Variants in EXOC3 observed in about 807,000 individuals in gnomAD.
EXOC3 encodes the protein SEC6-like 1.
EXOC3 carries 21 observed loss-of-function variants against 73.7 expected under a neutral mutation model. That is an observed-to-expected ratio of 0.29 (90% CI 0.20 to 0.41). The LOEUF is 0.41. EXOC3 is among the 10% of genes least tolerant of loss of function. The pLI is 1.00. For missense variants in EXOC3, 842 were observed against 985.1 expected, an observed-to-expected ratio of 0.85 and a Z score of 1.95; for synonymous variants, 410 against 389.1, an observed-to-expected ratio of 1.05 and a Z score of -0.63.
intron 1 of EXOC3, chr5:444,781 T>C (rs1448122289): frequency 6.6e-6 from 1 of 151,722 alleles, no homozygotes; most frequent in Non-Finnish European, 1.5e-5. Context: ...TACCCCTGAG[T>C]GGTGGGATTT....
chr5:449,612 G>A (rs1326680637), intron 3 of EXOC3, among the ~76,000 whole-genome samples: 1 of 152,118 alleles, frequency 6.6e-6, no homozygotes, highest in Non-Finnish European at 1.5e-5. Context: ...TCTATGCTGT[G>A]GTATTGTAGA....
At chr5:450,375 A>G (rs752468416) in intron 3 of EXOC3, among the ~76,000 whole-genome samples, 3 of 152,172 alleles carry the variant, frequency 2.0e-5, no homozygotes, top group Admixed American at 6.5e-5. Context: ...ACTGATTTCT[A>G]ATGTCATCTG....
intron 1 of EXOC3, among the ~76,000 whole-genome samples, chr5:444,539 A>G (rs777525613): frequency 1.8e-4 from 28 of 152,260 alleles, no homozygotes; most frequent in Non-Finnish European, 2.9e-4. Flanking sequence ...TTTAATGTCA[A>G]TGGAAATGCT....
At chr5:444,114 G>A (rs1370220996) in intron 1 of EXOC3, among the ~76,000 whole-genome samples, 1 of 152,254 alleles carries the variant, frequency 6.6e-6, no homozygotes, top group African/African-American at 2.4e-5. Flanking sequence ...GATGTTCCCC[G>A]CAGTAGGGTG....
Position 466,859 on chromosome 5 carries a change from T to G in EXOC3, c.2199T>G (p.Ile733Met), listed in dbSNP as rs1274462086. The G allele has an allele frequency of 1.9e-6, 3 of 1,612,230 alleles. No homozygotes were observed. In the Admixed American group the frequency reaches 5.0e-5, roughly 27 times the overall value. ...SPSYVPLFKD[I>M]VVPSLNVAKL... ...GCTACGTGCCCCTCTTCAAGGACAT[T>G]GTGGTGCCCAGCCTGAACGTGGCCA... Residue 733 changes from isoleucine to methionine, a missense_variant, in exon 13 of 13, where the codon ATT (isoleucine) becomes ATG (methionine). Physicochemically the swap from Ile to Met is conservative, Grantham distance 10 (BLOSUM62 1). Coordinates refer to ENST00000512944, the MANE Select transcript of EXOC3 (RefSeq NM_007277.5).
Position 456,903 on chromosome 5 carries a change from G to A in EXOC3, c.1061G>A (p.Arg354Lys), listed in dbSNP as rs377628378. The change falls in exon 5 of 13, where the codon AGG (arginine) becomes AAG (lysine). Residue 354 changes from arginine to lysine, a missense_variant. By Grantham distance (26) the Arg-to-Lys change is conservative (BLOSUM62 2). Transcript: ENST00000512944. Reference protein sequence around the residue: ...LNTYTSTEMMRNVELAPEVDV... With the variant: ...LNTYTSTEMMKNVELAPEVDV... ...TTCCCCCATAGTACTGAGATGATGA[G>A]GAACGTGGAGCTGGCCCCGGAAGTG... 3.5e-4 allele frequency: 557 copies of A among 1,613,808 alleles called. 1 individual carries two copies. Among genetic ancestry groups the A allele is most frequent in the Middle Eastern group, 5.0e-4 (3 of 6,060 alleles).
chr5:464,233 C>T, intron 9 of EXOC3, 57 bp from the exon 10 acceptor site: 10 of 1,577,630 alleles, frequency 6.3e-6, no homozygotes, highest in Non-Finnish European at 8.6e-6. Context: ...CCCACATGCA[C>T]TCGGCTCTCG....
At position 447,563 on chromosome 5, in the gene EXOC3, C is replaced by T. The variant is rs972311422; in HGVS notation, c.175C>T (p.Arg59Cys). Residue 59 changes from arginine (R) to cysteine (C), a missense_variant, in exon 3 of 13, where the codon CGC (arginine) becomes TGC (cysteine). Physicochemically the swap from Arg to Cys is radical, Grantham distance 180. Transcript: ENST00000512944. ...CATCCAGTCACAGTTGGACGGGGTG[C>T]GCACAGGCCTCAGCCAGCTCCACAA... is the stretch of plus-strand genomic sequence containing the variant. ...AAIQSQLDGV[R>C]TGLSQLHNAL... 11 of 1,585,388 alleles carry T rather than the reference C, an allele frequency of 6.9e-6. No individual in the cohort carries two copies. The highest frequency in any genetic ancestry group is 2.7e-5 in the African/African-American group (2 of 74,104).
At chr5:466,562 A>G in intron 12 of EXOC3, 165 bp from the exon 13 acceptor site, 1 of 602,708 alleles carries the variant, frequency 1.7e-6, no homozygotes. Context: ...AGTAAGATGA[A>G]AATGCAGGCT....
In EXOC3 at chr5:443,223, C is replaced by CGGAGGGGGCGGCGGG. The variant is rs1737382235; in HGVS notation, c.-122_-121insAGGGGGCGGCGGGGG. On this transcript the variant is annotated 5_prime_UTR_variant, in exon 1 of 13. Transcript: ENST00000512944. ...GCGGAGGCAGCGAAGGCGGAGGGGG[C>CGGAGGGGGCGGCGGG]GGCGGGGGCGGCGGCGGCGGCGGCG... 7.9e-5 allele frequency: 7 copies of CGGAGGGGGCGGCGGG among 88,164 alleles called. No individual in the cohort carries two copies. In the Admixed American group the frequency reaches 8.4e-4, roughly 11 times the overall value. 5.5% of individuals were successfully genotyped at this position (88,164 alleles called of 1,614,324 possible).
At position 465,811 on chromosome 5, in the gene EXOC3, G is replaced by A; in HGVS notation, c.2032G>A (p.Val678Ile). The A allele has an allele frequency of 6.2e-7, 1 of 1,612,972 alleles. No homozygotes were observed. Reference sequence around the variant, plus strand: ...AGACCCTTCTCTGCTCTACCTGGAGGTCTCCACTCTGGTCAGCAAGTATCC... The same window carrying A: ...AGACCCTTCTCTGCTCTACCTGGAGATCTCCACTCTGGTCAGCAAGTATCC... ...LTDPSLLYLEVSTLVSKYPDI... is the reference protein window; with the variant it reads ...LTDPSLLYLEISTLVSKYPDI... The change falls in exon 12 of 13, where the codon GTC becomes ATC. Residue 678 changes from valine to isoleucine, a missense_variant. By Grantham distance (29) the Val-to-Ile change is conservative. Transcript: ENST00000512944.
chr5:458,112 G>A, intron 6 of EXOC3, 87 bp downstream of exon 6: 1 of 1,380,300 alleles, frequency 7.2e-7, no homozygotes, highest in East Asian at 2.5e-5. Context: ...AGATACCTGG[G>A]ATCTTCATCC....
chr5:459,785 C>T lies in EXOC3; in HGVS notation c.1391+326C>T, dbSNP rs576350594. On this transcript the variant is annotated intron_variant, in intron 7 of 12. Coordinates refer to ENST00000512944, the MANE Select transcript of EXOC3 (RefSeq NM_007277.5). ...CTTCCTTGGGGTGGGGGTGGCGACT[C>T]CTGCCGCAGTGCCTACTTCGTAGTG... Among the ~76,000 whole-genome samples the T allele has an allele frequency of 3.3e-5, 5 of 152,356 alleles. No individual in the cohort carries two copies. The East Asian group carries it at 9.7e-4, about 29-fold the overall frequency.
intron 10 of EXOC3, chr5:464,660 C>T: frequency 2.1e-6 from 1 of 466,112 alleles, no homozygotes; most frequent in Non-Finnish European, 4.0e-6. Flanking sequence ...GGCCCGCGTG[C>T]CCCGTCTTAG....
rs1052625658 is a variant in EXOC3 at position 467,122 on chromosome 5, C to T, written c.*224C>T. ...AAGGCCTGTGGGTGCAGGGCTCTGCCGCACAGCCTCTCTTGGGTGCTTGTT... is the reference window on the plus strand; with the variant it reads ...AAGGCCTGTGGGTGCAGGGCTCTGCTGCACAGCCTCTCTTGGGTGCTTGTT... On this transcript the variant is annotated 3_prime_UTR_variant, in exon 13 of 13. Transcript: ENST00000512944. 1.1e-5 allele frequency: 6 copies of T among 554,954 alleles called. No individual in the cohort carries two copies. The highest frequency in any genetic ancestry group is 4.7e-4 in the Middle Eastern group (1 of 2,132). The allele number at this position is 554,954 out of a possible 1,614,324, so 34.4% of individuals were successfully genotyped here. A position where few individuals can be genotyped will look rare whatever the true frequency, so the allele number is the denominator to read the frequency against.
intron 5 of EXOC3, 28 bp downstream of exon 5, chr5:457,034 G>A: frequency 6.6e-7 from 1 of 1,513,192 alleles, no homozygotes; most frequent in Non-Finnish European, 9.2e-7. Flanking sequence ...GCGTGCCACA[G>A]ACCACCGTGC....
intron 3 of EXOC3, among the ~76,000 whole-genome samples, chr5:449,455 C>T (rs1254717615): frequency 1.3e-5 from 2 of 152,196 alleles, no homozygotes; most frequent in African/African-American, 4.8e-5. Flanking sequence ...TGACTTCGCA[C>T]CCTCTGCCCC....
At position 465,609 on chromosome 5, in the gene EXOC3, C is replaced by T; in HGVS notation, c.1939-109C>T. ...GCTTTCAGAGTAGATCCTGAGGAGT[C>T]AGGTGAAGAGGGAGGTTCCCAGTCA... is the stretch of plus-strand genomic sequence containing the variant. On this transcript the variant is annotated intron_variant, in intron 11 of 12. Coordinates refer to ENST00000512944, the MANE Select transcript of EXOC3 (RefSeq NM_007277.5). 3 of 1,366,500 alleles carry T rather than the reference C, an allele frequency of 2.2e-6. No homozygotes were observed. In the South Asian group the frequency reaches 4.0e-5, roughly 18 times the overall value. 84.6% of individuals were successfully genotyped at this position (1,366,500 alleles called of 1,614,324 possible).
chr5:446,136 A>T lies in EXOC3; in HGVS notation c.-56-14A>T. ...TTGTACCTAACATTTCTACCGTCCTAACAACTCCTGCAGTGCACAGAGAAC... is the reference window on the plus strand; with the variant it reads ...TTGTACCTAACATTTCTACCGTCCTTACAACTCCTGCAGTGCACAGAGAAC... On this transcript the variant is annotated splice_polypyrimidine_tract_variant and intron_variant, in intron 1 of 12. Transcript: ENST00000512944. 6.3e-7 allele frequency: 1 copy of T among 1,587,232 alleles called. No individual in the cohort carries two copies. Among genetic ancestry groups the T allele is most frequent in the African/African-American group, 1.3e-5 (1 of 74,486 alleles).
Sources: gnomAD v4.1 joint callset for allele counts (sites outside exome capture counted in the v4.1 genomes callset) on GRCh38, gnomAD v4.1.1 for gene constraint, MANE v1.5 for transcripts, NCBI Gene and HGNC (gene_info 2026-07-23, HGNC 2026-07-21) for gene names.